CCSER1: variants seen among roughly 807,000 people sequenced by gnomAD.
CCSER1 encodes coiled-coil serine rich protein 1.
CCSER1 carries 41 observed loss-of-function variants against 82.0 expected under a neutral mutation model. The observed-to-expected ratio is 0.50, with a 90% CI of 0.39 to 0.65. CCSER1 has a LOEUF of 0.65. Ranked by LOEUF, CCSER1 falls within the 30% of genes least tolerant of loss-of-function variation. CCSER1 has a pLI of 0.00. For missense variants in CCSER1, 1,119 were observed against 1,064.2 expected, an observed-to-expected ratio of 1.05 and a Z score of -0.72; for synonymous variants, 414 against 383.9, an observed-to-expected ratio of 1.08 and a Z score of -0.92.
intron 10 of CCSER1, among the ~76,000 whole-genome samples, chr4:91,505,458 C>T (rs1387506638): frequency 6.6e-6 from 1 of 151,988 alleles, no homozygotes; most frequent in African/African-American, 2.4e-5. Context: ...GGGTATATAC[C>T]CAGTAATGGG....
chr4:90,260,452 A>G (rs1407000593), intron 1 of CCSER1, among the ~76,000 whole-genome samples: 1 of 152,174 alleles, frequency 6.6e-6, no homozygotes, highest in Non-Finnish European at 1.5e-5. Context: ...AGTTGCATAT[A>G]GGTTTAGGAT....
At chr4:91,256,565 A>C (rs2149158303) in intron 10 of CCSER1, among the ~76,000 whole-genome samples, 1 of 152,264 alleles carries the variant, frequency 6.6e-6, no homozygotes, top group East Asian at 1.9e-4. Flanking sequence ...CCAAGGCTTT[A>C]AAATTTCTCC....
chr4:90,129,728 G>A (rs923054498), intron 1 of CCSER1, among the ~76,000 whole-genome samples: 1 of 152,184 alleles, frequency 6.6e-6, no homozygotes, highest in African/African-American at 2.4e-5. Context: ...TTCCTAAACA[G>A]TCCTGTTCTT....
At chr4:90,399,970 C>T (rs1752576689) in intron 3 of CCSER1, 66 bp from the exon 4 acceptor site, 3 of 830,546 alleles carry the variant, frequency 3.6e-6, no homozygotes, top group Admixed American at 2.2e-5. Context: ...ACGGCTTCCA[C>T]ATATGAGTAT....
At chr4:90,995,010 C>T (rs1268259350) in intron 9 of CCSER1, among the ~76,000 whole-genome samples, 2 of 152,148 alleles carry the variant, frequency 1.3e-5, no homozygotes, top group African/African-American at 4.8e-5. Flanking sequence ...GAGCATCTGA[C>T]ATGCTTTCCA....
chr4:91,558,111 AT>A (rs1411079641), intron 10 of CCSER1, among the ~76,000 whole-genome samples: 2 of 16,810 alleles, frequency 1.2e-4, no homozygotes, highest in South Asian at 1.2e-3. Context: ...AATAAAAAAA[AT>A]ATATTTCATT....
At position 91,598,731 on chromosome 4, in the gene CCSER1, T is replaced by G. The variant is rs1764699251; in HGVS notation, c.2377T>G (p.Phe793Val). 6.4e-7 allele frequency: 1 copy of G among 1,551,392 alleles called. No homozygotes were observed. The highest frequency in any genetic ancestry group is 2.0e-5 in the Admixed American group (1 of 50,952). ...ACTCCCAAGTCTCTGTTTAAGTAAT[T>G]TCCTGAAGGACAAGGAACTAGCAGA... ...CQLPSLCLSN[F>V]LKDKELAEVI... is the part of the protein sequence containing the mutation. The change falls in exon 11 of 11, where the codon TTC becomes GTC. Residue 793 changes from phenylalanine to valine, a missense_variant. Coordinates refer to ENST00000509176, the MANE Select transcript of CCSER1 (RefSeq NM_001145065.2).
intron 3 of CCSER1, among the ~76,000 whole-genome samples, chr4:90,361,365 TCTAA>T (rs1745336563): frequency 1.3e-5 from 2 of 152,260 alleles, no homozygotes; most frequent in African/African-American, 2.4e-5. Flanking sequence ...TTTTACAATA[TCTAA>T]CTAAAATAAA....
chr4:91,344,212 G>A (rs1747904958), intron 10 of CCSER1, among the ~76,000 whole-genome samples: 2 of 152,130 alleles, frequency 1.3e-5, no homozygotes, highest in Admixed American at 6.6e-5. Context: ...CTCCATGTGA[G>A]AACACATAGA....
chr4:91,172,599 C>T (rs1423332117), intron 10 of CCSER1, among the ~76,000 whole-genome samples: 6 of 152,128 alleles, frequency 3.9e-5, no homozygotes, highest in East Asian at 1.9e-4. Flanking sequence ...GTGCAGTATA[C>T]GTGATGCCTC....
At chr4:90,511,733 G>A (rs28494575) in intron 5 of CCSER1, among the ~76,000 whole-genome samples, 11,184 of 152,136 alleles carry the variant, frequency 0.074, 521 homozygotes, top group African/African-American at 0.12. Context: ...AAGTAATAAC[G>A]TGTAAAGAGA....
intron 6 of CCSER1, among the ~76,000 whole-genome samples, chr4:90,664,639 G>A (rs1417618103): frequency 2.0e-5 from 3 of 152,094 alleles, no homozygotes; most frequent in African/African-American, 2.4e-5. Flanking sequence ...GGTAGCTCAC[G>A]CCTGTAATCC....
chr4:91,310,786 A>G (rs1403908308), intron 10 of CCSER1, among the ~76,000 whole-genome samples: 3 of 151,932 alleles, frequency 2.0e-5, no homozygotes, highest in Non-Finnish European at 2.9e-5. Flanking sequence ...GTGGCCCAGG[A>G]CAGCTTTGAA....
At chr4:90,851,665 G>T (rs1021877257) in intron 8 of CCSER1, among the ~76,000 whole-genome samples, 1 of 150,310 alleles carries the variant, frequency 6.7e-6, no homozygotes, top group Non-Finnish European at 1.5e-5. Context: ...TACAGAATGT[G>T]CTATTTGGCT....
rs143172544 is a variant in CCSER1 at position 90,489,807 on chromosome 4, T to C, written c.1724+21453T>C. Among the ~76,000 whole-genome samples, 1,091 of 152,274 alleles carry C rather than the reference T, an allele frequency of 7.2e-3. 18 individuals carry two copies. Among genetic ancestry groups the C allele is most frequent in the African/African-American group, 0.023 (938 of 41,558 alleles). Reference sequence around the variant, plus strand: ...TGTCCTTGCGATAGTTTGCTGAGAATGATGGTTTCCAGCTTCATTCATGTC... The same window carrying C: ...TGTCCTTGCGATAGTTTGCTGAGAACGATGGTTTCCAGCTTCATTCATGTC... On this transcript the variant is annotated intron_variant, in intron 5 of 10. Coordinates refer to ENST00000509176, the MANE Select transcript of CCSER1 (RefSeq NM_001145065.2).
At chr4:90,331,461 A>G (rs891590632) in intron 3 of CCSER1, among the ~76,000 whole-genome samples, 9 of 152,200 alleles carry the variant, frequency 5.9e-5, no homozygotes, top group South Asian at 4.1e-4. Context: ...GCTGAGTTAC[A>G]TGGTATTAAA....
intron 10 of CCSER1, among the ~76,000 whole-genome samples, chr4:91,587,231 CCAT>C (rs1764044195): frequency 6.6e-6 from 1 of 151,694 alleles, no homozygotes; most frequent in Middle Eastern, 3.2e-3. Flanking sequence ...ACCTCTGTGA[CCAT>C]CATTTGGATT....
At chr4:90,490,570 T>C (rs1189319388) in intron 5 of CCSER1, among the ~76,000 whole-genome samples, 1 of 152,204 alleles carries the variant, frequency 6.6e-6, no homozygotes, top group Non-Finnish European at 1.5e-5. Context: ...CCATTGCTTT[T>C]GGTGTTTATA....
chr4:90,534,311 A>G (rs1181219314), intron 5 of CCSER1, among the ~76,000 whole-genome samples: 1 of 152,066 alleles, frequency 6.6e-6, no homozygotes. Context: ...GTGTATTTTT[A>G]GTAGAGACGG....
Sources: allele counts gnomAD v4.1 joint callset (sites outside exome capture counted in the v4.1 genomes callset), GRCh38; gene constraint gnomAD v4.1.1; transcripts MANE v1.5; gene names NCBI Gene and HGNC (gene_info 2026-07-23, HGNC 2026-07-21).